The following LRRC8C variants were observed in gnomAD, a reference collection of about 807,000 sequenced individuals.
LRRC8C encodes leucine rich repeat containing 8 VRAC subunit C, also known as volume-regulated anion channel subunit LRRC8C.
LRRC8C carries 20 observed loss-of-function variants against 55.3 expected under a neutral mutation model. The observed-to-expected ratio is 0.36, with a 90% CI of 0.25 to 0.53. The LOEUF is 0.53. LRRC8C is among the 20% of genes least tolerant of loss of function. The probability of loss-of-function intolerance (pLI) is 0.92; values close to 1 mark genes in which losing one functional copy is unlikely to be tolerated. For synonymous variants in LRRC8C, 376 were observed against 360.7 expected, an observed-to-expected ratio of 1.04 and a Z score of -0.48; for missense variants, 659 against 951.4, an observed-to-expected ratio of 0.69 and a Z score of 4.04.
the LRRC8C span, among the ~76,000 whole-genome samples, chr1:89,620,208 C>T: frequency 1.3e-5 from 2 of 152,158 alleles, no homozygotes; most frequent in South Asian, 4.1e-4. Flanking sequence ...GGCATTAATC[C>T]CATTCATGAT....
intron 1 of LRRC8C, among the ~76,000 whole-genome samples, chr1:89,683,290 G>A (rs897477235): frequency 3.3e-5 from 5 of 151,868 alleles, no homozygotes; most frequent in African/African-American, 7.2e-5. Context: ...AAAATCATGC[G>A]TTACAAAATC....
chr1:89,647,099 A>C (rs1005882579), intron 1 of LRRC8C, among the ~76,000 whole-genome samples: 4 of 152,212 alleles, frequency 2.6e-5, no homozygotes, highest in Non-Finnish European at 4.4e-5. Context: ...ATGTGAGTGC[A>C]ATAAACAGAA....
chr1:89,616,605 A>T, the LRRC8C span, among the ~76,000 whole-genome samples: 1 of 152,210 alleles, frequency 6.6e-6, no homozygotes, highest in Non-Finnish European at 1.5e-5. Context: ...GTCTAACTTG[A>T]GTGTCGATAA....
chr1:89,710,696 T>C (rs1323085899), intron 2 of LRRC8C, among the ~76,000 whole-genome samples: 1 of 152,232 alleles, frequency 6.6e-6, no homozygotes, highest in African/African-American at 2.4e-5. Context: ...TTTATAAATC[T>C]TGTGGTGAAA....
chr1:89,670,848 CCT>C (rs910003245), intron 1 of LRRC8C, among the ~76,000 whole-genome samples: 6 of 151,788 alleles, frequency 4.0e-5, no homozygotes, highest in African/African-American at 1.5e-4. Context: ...GGTTTTATAC[CCT>C]GTTTGTCTCT....
At chr1:89,669,438 C>T (rs984556363) in intron 1 of LRRC8C, among the ~76,000 whole-genome samples, 3 of 151,980 alleles carry the variant, frequency 2.0e-5, no homozygotes, top group East Asian at 3.9e-4. Context: ...ATATTGTGCT[C>T]TTACCAAAAT....
In LRRC8C at chr1:89,716,062, A is replaced by G. The variant is rs905962030; in HGVS notation, c.*1080A>G. On this transcript the variant is annotated 3_prime_UTR_variant, in exon 3 of 3. Transcript: ENST00000370454. ...ACCAACTGTAGATGGAAAATACTCA[A>G]AAAGAAAGTTGTGTCTGTACTGAAT... The G allele has an allele frequency of 1.3e-5, 2 of 152,192 alleles. No homozygotes were observed. Among genetic ancestry groups the G allele is most frequent in the African/African-American group, 4.8e-5 (2 of 41,456 alleles). 9.4% of individuals were successfully genotyped at this position (152,192 alleles called of 1,614,324 possible).
intron 1 of LRRC8C, among the ~76,000 whole-genome samples, chr1:89,678,086 CT>C (rs1419321501): frequency 6.6e-6 from 1 of 152,228 alleles, no homozygotes; most frequent in East Asian, 1.9e-4. Flanking sequence ...TTCGTTACCT[CT>C]TTTGCCCTTG....
At chr1:89,695,713 A>G (rs1658155719) in intron 2 of LRRC8C, among the ~76,000 whole-genome samples, 1 of 152,208 alleles carries the variant, frequency 6.6e-6, no homozygotes, top group East Asian at 1.9e-4. Context: ...GAAAACCTGG[A>G]TTTAAAAAAA....
At chr1:89,650,627 A>G (rs1365754348) in intron 1 of LRRC8C, among the ~76,000 whole-genome samples, 3 of 152,220 alleles carry the variant, frequency 2.0e-5, no homozygotes, top group African/African-American at 2.4e-5. Flanking sequence ...TTTTGAAACA[A>G]TGTACACTTG....
At chr1:89,623,834 C>T in the LRRC8C span, among the ~76,000 whole-genome samples, 1 of 152,152 alleles carries the variant, frequency 6.6e-6, no homozygotes, top group Non-Finnish European at 1.5e-5. Context: ...TCAAGTTATC[C>T]CATCAATTTC....
At chr1:89,650,181 G>A (rs1172407182) in intron 1 of LRRC8C, among the ~76,000 whole-genome samples, 8 of 152,048 alleles carry the variant, frequency 5.3e-5, no homozygotes, top group Non-Finnish European at 1.0e-4. Context: ...ACCCACTGCA[G>A]GCAAAACACA....
chr1:89,655,377 T>C (rs762028826), intron 1 of LRRC8C, among the ~76,000 whole-genome samples: 6 of 152,182 alleles, frequency 3.9e-5, no homozygotes, highest in Non-Finnish European at 7.3e-5. Context: ...TCGGTTTTAG[T>C]GTGTCTTTAT....
At position 89,714,053 on chromosome 1, in the gene LRRC8C, G is replaced by A. The variant is rs979455798; in HGVS notation, c.1483G>A (p.Val495Ile). ...ALSFLKENLK[V>I]LSVKFDDMRE... ...CTCTTTCCTGAAGGAAAACCTCAAG[G>A]TCTTGAGCGTCAAGTTTGATGACAT... The change falls in exon 3 of 3, where the codon GTC becomes ATC. Residue 495 changes from valine (V) to isoleucine (I), a missense_variant. This residue lies in a region of LRRC8C where 344 missense variants were observed against 464.6 expected (regional missense o/e 0.74). Coordinates refer to ENST00000370454, the MANE Select transcript of LRRC8C (RefSeq NM_032270.5). The surrounding 1 kb of genome is among the most constrained non-coding windows in gnomAD (Gnocchi z 4.6). 2.5e-6 allele frequency: 4 copies of A among 1,613,810 alleles called. No homozygotes were observed. In the Admixed American group the frequency reaches 6.7e-5, roughly 27 times the overall value.
intron 1 of LRRC8C, among the ~76,000 whole-genome samples, chr1:89,678,699 T>TAA (rs113109949): frequency 0.33 from 42,986 of 130,834 alleles, 6,798 homozygotes; most frequent in East Asian, 0.39. Context: ...AAATTCTGTC[T>TAA]AAAAAAAAAA....
the LRRC8C span, chr1:89,626,732 T>A: frequency 6.6e-6 from 1 of 152,116 alleles, no homozygotes; most frequent in African/African-American, 2.4e-5. Context: ...AGCTTCTGTA[T>A]CAGTGGAGTT....
At chr1:89,637,938 T>C (rs1656338791) in intron 1 of LRRC8C, among the ~76,000 whole-genome samples, 1 of 152,174 alleles carries the variant, frequency 6.6e-6, no homozygotes, top group Admixed American at 6.5e-5. Context: ...AGTCTAAGTC[T>C]AACATTCGGT....
rs79320158 is a variant in LRRC8C at position 89,634,145 on chromosome 1, C to T, written c.-5+823C>T. ...AGTTTCTTCCAAACCTCGCATCCTC[C>T]GTAGTTTTGCAACAGCCGGACACCT... On this transcript the variant is annotated intron_variant, in intron 1 of 2. Transcript: ENST00000370454. Among the ~76,000 whole-genome samples, 131 of 152,312 alleles carry T rather than the reference C, an allele frequency of 8.6e-4. 2 individuals are homozygous for T. In the East Asian group the frequency reaches 0.018, roughly 21 times the overall value.
chr1:89,697,044 A>G (rs1658192708), intron 2 of LRRC8C, among the ~76,000 whole-genome samples: 2 of 152,148 alleles, frequency 1.3e-5, no homozygotes, highest in Non-Finnish European at 1.5e-5. Flanking sequence ...AGCACACATA[A>G]ATGACTAACA....
Sources: gnomAD v4.1 joint callset for allele counts (sites outside exome capture counted in the v4.1 genomes callset) on GRCh38, gnomAD v4.1.1 for gene constraint, gnomAD v4.1.1 regional missense constraint, Gnocchi (gnomAD v3.1) non-coding constraint, MANE v1.5 for transcripts, NCBI Gene and HGNC (gene_info 2026-07-23, HGNC 2026-07-21) for gene names.